The following CNTNAP2 variants were observed in gnomAD, a reference collection of about 807,000 sequenced individuals.
CNTNAP2 encodes the protein contactin-associated protein-like 2.
Under a neutral mutation model 155.2 loss-of-function variants are expected in CNTNAP2, and 98 were observed. The ratio of observed to expected loss-of-function variants is 0.63; its 90% CI spans 0.54 to 0.75. CNTNAP2 has a LOEUF of 0.75. CNTNAP2 is among the 30% of genes least tolerant of loss of function. The probability of loss-of-function intolerance (pLI) is 0.00; values close to 1 mark genes in which losing one functional copy is unlikely to be tolerated. For synonymous variants in CNTNAP2, 651 were observed against 631.2 expected, an observed-to-expected ratio of 1.03 and a Z score of -0.47; for missense variants, 1,727 against 1,688.1, an observed-to-expected ratio of 1.02 and a Z score of -0.40.
chr7:147,729,416 GCACACACACACGCACACACACACA>G lies in CNTNAP2; in HGVS notation c.2098+90119_2098+90142del, dbSNP rs1450543851. Among the ~76,000 whole-genome samples the G allele has an allele frequency of 1.8e-4, 8 of 45,130 alleles. No individual in the cohort carries two copies. The South Asian group carries it at 8.5e-3, about 48-fold the overall frequency. The allele number at this position is 45,130 out of a possible 152,430, so 29.6% of individuals were successfully genotyped here. ...CTAATAAGAAAACATGCACACACACGCACACACACACGCACACACACACACACACACAGAGTTGTGAAACTACTA... is the reference window on the plus strand; with the variant it reads ...CTAATAAGAAAACATGCACACACACGCACACACAGAGTTGTGAAACTACTA... On this transcript the variant is annotated intron_variant, in intron 13 of 23. Coordinates refer to ENST00000361727, the MANE Select transcript of CNTNAP2 (RefSeq NM_014141.6).
intron 16 of CNTNAP2, among the ~76,000 whole-genome samples, chr7:148,136,569 A>C (rs981881496): frequency 1.3e-5 from 2 of 152,166 alleles, no homozygotes; most frequent in African/African-American, 4.8e-5. Context: ...TAAATTACCC[A>C]GCCCTAAGTA....
chr7:146,969,071 C>T (rs1474529915), intron 3 of CNTNAP2, among the ~76,000 whole-genome samples: 1 of 150,184 alleles, frequency 6.7e-6, no homozygotes, highest in Non-Finnish European at 1.5e-5. Flanking sequence ...GTTATGTACC[C>T]AGTAGTCATT....
At chr7:148,148,719 C>G (rs754766411) in intron 17 of CNTNAP2, among the ~76,000 whole-genome samples, 1 of 152,146 alleles carries the variant, frequency 6.6e-6, no homozygotes, top group Non-Finnish European at 1.5e-5. Context: ...GCTTGAAGAG[C>G]GGTAGAATGT....
At chr7:147,918,666 T>C (rs1316234191) in intron 14 of CNTNAP2, among the ~76,000 whole-genome samples, 1 of 152,198 alleles carries the variant, frequency 6.6e-6, no homozygotes. Flanking sequence ...ACTACCTTTT[T>C]TCATCAGGAC....
intron 10 of CNTNAP2, among the ~76,000 whole-genome samples, chr7:147,445,717 G>C (rs1015466313): frequency 1.3e-5 from 2 of 152,156 alleles, no homozygotes; most frequent in Non-Finnish European, 2.9e-5. Context: ...CTCTGTTCAT[G>C]ATACCAAAAT....
At chr7:148,036,950 A>G (rs1022143931) in intron 15 of CNTNAP2, among the ~76,000 whole-genome samples, 1 of 152,198 alleles carries the variant, frequency 6.6e-6, no homozygotes, top group African/African-American at 2.4e-5. Flanking sequence ...TCAAATAGCT[A>G]ATTGTTACAT....
intron 11 of CNTNAP2, among the ~76,000 whole-genome samples, chr7:147,545,371 G>C (rs1799711734): frequency 6.6e-6 from 1 of 151,958 alleles, no homozygotes; most frequent in Non-Finnish European, 1.5e-5. Flanking sequence ...AGTAAATTTG[G>C]TTAGTATGAT....
intron 1 of CNTNAP2, among the ~76,000 whole-genome samples, chr7:146,485,442 T>C (rs2129129823): frequency 6.6e-6 from 1 of 152,302 alleles, no homozygotes; most frequent in South Asian, 2.1e-4. Context: ...CTCAGAGGTA[T>C]AGCAAAATTT....
intron 1 of CNTNAP2, among the ~76,000 whole-genome samples, chr7:146,594,379 T>G (rs1798828114): frequency 6.6e-6 from 1 of 151,970 alleles, no homozygotes; most frequent in Non-Finnish European, 1.5e-5. Context: ...ACAGCTCTAT[T>G]TGGTGTTTGC....
At chr7:146,242,678 T>G (rs1001599458) in intron 1 of CNTNAP2, among the ~76,000 whole-genome samples, 1 of 141,182 alleles carries the variant, frequency 7.1e-6, no homozygotes, top group Non-Finnish European at 1.5e-5. Flanking sequence ...TGATATTGGA[T>G]TGATTAACTT....
intron 8 of CNTNAP2, among the ~76,000 whole-genome samples, chr7:147,187,620 T>C (rs1342901410): frequency 1.3e-5 from 2 of 151,942 alleles, no homozygotes; most frequent in Non-Finnish European, 2.9e-5. Flanking sequence ...GAGAGACGGA[T>C]TGGGGCAAGG....
At chr7:147,548,429 A>G (rs993068732) in intron 11 of CNTNAP2, among the ~76,000 whole-genome samples, 2 of 151,750 alleles carry the variant, frequency 1.3e-5, no homozygotes, top group African/African-American at 4.8e-5. Context: ...TGTTCATATT[A>G]TTTGCCCACT....
At chr7:146,369,048 T>C (rs71530735) in intron 1 of CNTNAP2, among the ~76,000 whole-genome samples, 33,645 of 138,320 alleles carry the variant, frequency 0.24, 4,604 homozygotes, top group Admixed American at 0.33. Context: ...TATATATATA[T>C]ATACATATAT....
chr7:147,176,812 A>G (rs1341751645), intron 8 of CNTNAP2, among the ~76,000 whole-genome samples: 1 of 118,596 alleles, frequency 8.4e-6, no homozygotes, highest in Non-Finnish European at 1.6e-5. Flanking sequence ...TATATAATAG[A>G]TATAGAATAA....
chr7:146,668,284 A>G (rs992109481), intron 1 of CNTNAP2, among the ~76,000 whole-genome samples: 1 of 152,068 alleles, frequency 6.6e-6, no homozygotes, highest in Non-Finnish European at 1.5e-5. Flanking sequence ...TGATTTGTGT[A>G]TATTAAACCA....
At chr7:146,565,996 G>A (rs1281434423) in intron 1 of CNTNAP2, among the ~76,000 whole-genome samples, 2 of 152,144 alleles carry the variant, frequency 1.3e-5, no homozygotes, top group South Asian at 2.1e-4. Context: ...AGCTTCTCAT[G>A]CATATTCACC....
chr7:147,965,677 G>T (rs574969702), intron 14 of CNTNAP2, among the ~76,000 whole-genome samples: 70 of 152,062 alleles, frequency 4.6e-4, no homozygotes, highest in Non-Finnish European at 6.2e-4. Flanking sequence ...GGTTCCTTCA[G>T]AATTTTAGAT....
intron 12 of CNTNAP2, among the ~76,000 whole-genome samples, chr7:147,588,375 A>G (rs1428441292): frequency 6.6e-6 from 1 of 152,156 alleles, no homozygotes; most frequent in East Asian, 1.9e-4. Flanking sequence ...CAAACATTTC[A>G]AAAGAGGTTC....
intron 21 of CNTNAP2, among the ~76,000 whole-genome samples, chr7:148,310,038 G>A (rs560704473): frequency 3.4e-4 from 52 of 152,226 alleles, no homozygotes; most frequent in Non-Finnish European, 5.6e-4. Flanking sequence ...GGGGTTGTTA[G>A]AAGAAACATT....
Sources: gnomAD v4.1 joint callset for allele counts (sites outside exome capture counted in the v4.1 genomes callset) on GRCh38, gnomAD v4.1.1 for gene constraint, MANE v1.5 for transcripts, NCBI Gene and HGNC (gene_info 2026-07-23, HGNC 2026-07-21) for gene names.